Variants in RBFOX1 observed in about 807,000 individuals in gnomAD.
RBFOX1 encodes the protein RNA binding protein fox-1 homolog 1.
RBFOX1 carries 8 observed loss-of-function variants against 57.7 expected under a neutral mutation model. That is an observed-to-expected ratio of 0.14 (90% confidence interval 0.08 to 0.25). The LOEUF (loss-of-function observed/expected upper bound fraction) is 0.25. RBFOX1 is among the 10% of genes least tolerant of loss of function. The pLI is 1.00. For missense variants in RBFOX1, 611 were observed against 548.5 expected (o/e 1.11, Z -1.14); for synonymous variants, 326 against 222.4 (o/e 1.47, Z -4.15).
chr16:5,281,682 C>T (rs1386563941), intron 1 of RBFOX1, among the ~76,000 whole-genome samples: 3 of 152,056 alleles, frequency 2.0e-5, no homozygotes, highest in African/African-American at 7.2e-5. Context: ...ACATAATGAC[C>T]TTCTTTGTCC....
intron 2 of RBFOX1, among the ~76,000 whole-genome samples, chr16:6,345,725 A>G (rs1008024498): frequency 2.6e-5 from 4 of 152,240 alleles, no homozygotes; most frequent in East Asian, 1.9e-4. Context: ...ATGTGAACCC[A>G]TACAATCTAA....
intron 4 of RBFOX1, among the ~76,000 whole-genome samples, chr16:7,321,016 A>G (rs548262086): frequency 6.6e-6 from 1 of 152,172 alleles, no homozygotes; most frequent in African/African-American, 2.4e-5. Context: ...GATAAAAATA[A>G]GTACTTTTTA....
At chr16:6,930,471 G>A (rs1457215161) in intron 3 of RBFOX1, among the ~76,000 whole-genome samples, 2 of 152,106 alleles carry the variant, frequency 1.3e-5, no homozygotes, top group Non-Finnish European at 2.9e-5. Flanking sequence ...GCGCAGTGGT[G>A]TGATCTCGGC....
At chr16:7,429,155 CTG>C (rs2098653816) in intron 4 of RBFOX1, among the ~76,000 whole-genome samples, 1 of 152,182 alleles carries the variant, frequency 6.6e-6, no homozygotes, top group Admixed American at 6.5e-5. Context: ...GATGTGAACA[CTG>C]TGAATATAAT....
intron 2 of RBFOX1, among the ~76,000 whole-genome samples, chr16:5,501,446 G>A (rs2043195269): frequency 6.6e-6 from 1 of 152,088 alleles, no homozygotes; most frequent in Non-Finnish European, 1.5e-5. Flanking sequence ...TCGATCTAGT[G>A]GAAGGGTTGG....
rs1028938682 is a variant in RBFOX1, at chr16:6,580,039, A to G, written c.-63-74564A>G. Among the ~76,000 whole-genome samples, 14 of 152,010 alleles carry G rather than the reference A, an allele frequency of 9.2e-5. 1 individual carries two copies. The highest frequency in any genetic ancestry group is 8.5e-4 in the Admixed American group (13 of 15,252). On this transcript the variant is annotated intron_variant, in intron 2 of 15. Coordinates refer to ENST00000550418, the MANE Select transcript of RBFOX1 (RefSeq NM_018723.4). ...AGCGGTGTGATCTCAGATCACTGCA[A>G]CTTCTGCCTCCCGGGTTCAAGTGAT...
intron 4 of RBFOX1, among the ~76,000 whole-genome samples, chr16:5,989,330 G>GA (rs912409372): frequency 4.6e-5 from 7 of 151,912 alleles, no homozygotes; most frequent in African/African-American, 7.2e-5. Flanking sequence ...GACTCTGTCT[G>GA]AAAAAAACAG....
At chr16:6,465,328 G>A (rs891926093) in intron 2 of RBFOX1, among the ~76,000 whole-genome samples, 2 of 152,154 alleles carry the variant, frequency 1.3e-5, no homozygotes, top group African/African-American at 2.4e-5. Flanking sequence ...GTGTACCTTC[G>A]TAAAGAATAG....
chr16:5,476,755 G>A (rs1384195646), intron 2 of RBFOX1, among the ~76,000 whole-genome samples: 2 of 152,176 alleles, frequency 1.3e-5, no homozygotes, highest in African/African-American at 4.8e-5. Context: ...GTGCCTCTGG[G>A]TTTGTGCAGA....
At chr16:6,426,026 T>C (rs2093915939) in intron 2 of RBFOX1, among the ~76,000 whole-genome samples, 1 of 152,102 alleles carries the variant, frequency 6.6e-6, no homozygotes, top group South Asian at 2.1e-4. Context: ...TAGAATCTTG[T>C]TGGCATTTTA....
intron 3 of RBFOX1, among the ~76,000 whole-genome samples, chr16:6,814,705 A>C (rs2089645603): frequency 6.6e-6 from 1 of 152,106 alleles, no homozygotes; most frequent in Non-Finnish European, 1.5e-5. Context: ...AAGGTCTTGG[A>C]AACCTGAGGA....
intron 2 of RBFOX1, among the ~76,000 whole-genome samples, chr16:6,544,400 C>T (rs985233766): frequency 6.6e-6 from 1 of 152,188 alleles, no homozygotes; most frequent in African/African-American, 2.4e-5. Flanking sequence ...CAAACATTTC[C>T]ACCTAAATTA....
chr16:5,346,058 C>T (rs913831535), intron 1 of RBFOX1, among the ~76,000 whole-genome samples: 1 of 152,206 alleles, frequency 6.6e-6, no homozygotes, highest in Non-Finnish European at 1.5e-5. Flanking sequence ...ACCTGAAAGG[C>T]TCTTTGCCTT....
At chr16:5,403,374 A>T (rs1227251513) in intron 1 of RBFOX1, among the ~76,000 whole-genome samples, 3 of 151,134 alleles carry the variant, frequency 2.0e-5, no homozygotes, top group African/African-American at 7.3e-5. Context: ...AAAACAAAAA[A>T]CAAACAAACA....
At chr16:5,738,636 A>G (rs1042742879) in intron 3 of RBFOX1, among the ~76,000 whole-genome samples, 14 of 95,058 alleles carry the variant, frequency 1.5e-4, no homozygotes, top group South Asian at 7.4e-4. Context: ...TCTGTCTCAG[A>G]AAAAAAAAAA....
chr16:7,125,541 T>C (rs1160534911), intron 4 of RBFOX1, among the ~76,000 whole-genome samples: 1 of 152,200 alleles, frequency 6.6e-6, no homozygotes, highest in Non-Finnish European at 1.5e-5. Context: ...CATTTTTTGA[T>C]AACTTATGAT....
intron 3 of RBFOX1, among the ~76,000 whole-genome samples, chr16:5,692,089 G>A (rs1313516818): frequency 5.3e-5 from 8 of 151,762 alleles, no homozygotes; most frequent in African/African-American, 1.9e-4. Context: ...TGATTTGAAG[G>A]TTATGGATAA....
chr16:7,330,264 C>T (rs938970827), intron 4 of RBFOX1, among the ~76,000 whole-genome samples: 1 of 151,912 alleles, frequency 6.6e-6, no homozygotes, highest in Non-Finnish European at 1.5e-5. Context: ...CATATTAAAT[C>T]GTCTTTAGAT....
intron 2 of RBFOX1, among the ~76,000 whole-genome samples, chr16:6,515,737 G>T (rs1299203486): frequency 6.6e-6 from 1 of 151,916 alleles, no homozygotes; most frequent in Non-Finnish European, 1.5e-5. Flanking sequence ...TACCTCCACT[G>T]TGCTGAACTA....
Sources: allele counts gnomAD v4.1 joint callset (sites outside exome capture counted in the v4.1 genomes callset), GRCh38; gene constraint gnomAD v4.1.1; transcripts MANE v1.5; gene names NCBI Gene and HGNC (gene_info 2026-07-23, HGNC 2026-07-21).